TIMM50: variants seen among roughly 807,000 people sequenced by gnomAD.
TIMM50 encodes translocase of inner mitochondrial membrane 50.
A neutral mutation model predicts 49.6 loss-of-function variants in TIMM50; 34 were observed. The observed-to-expected ratio is 0.69, with a 90% CI of 0.52 to 0.91. The LOEUF (loss-of-function observed/expected upper bound fraction) is 0.91. Among genes scored for constraint, TIMM50 ranks in the 40% least tolerant of loss-of-function variants. The pLI is 0.00. For synonymous variants in TIMM50, 199 were observed against 198.4 expected, an observed-to-expected ratio of 1.00 and a Z score of -0.03; for missense variants, 458 against 477.8, an observed-to-expected ratio of 0.96 and a Z score of 0.39.
chr19:39,485,912 T>A, intron 6 of TIMM50, 105 bp downstream of exon 6: 3 of 1,489,138 alleles, frequency 2.0e-6, no homozygotes, highest in Non-Finnish European at 1.8e-6. Context: ...GGGGAGGAGA[T>A]GTCACCTGTC....
intron 9 of TIMM50, among the ~76,000 whole-genome samples, 158 bp from the exon 10 acceptor site, chr19:39,488,380 GA>G (rs1221019591): frequency 6.6e-6 from 1 of 152,214 alleles, no homozygotes; most frequent in East Asian, 1.9e-4. Flanking sequence ...ATGTTTGGGG[GA>G]TACTTGGGGA....
In TIMM50 at chr19:39,483,166, C is replaced by T. The variant is rs2079484018; in HGVS notation, c.313+10C>T. ...GATGAGTTCGACAATGGTGAGTAAA[C>T]AAGCACAGATTCTGGAGTCCCTGAC... is the stretch of plus-strand genomic sequence containing the variant. On this transcript the variant is annotated intron_variant, in intron 4 of 10. Coordinates refer to ENST00000607714, the MANE Select transcript of TIMM50 (RefSeq NM_001001563.5). 1 of 1,614,050 alleles carries T rather than the reference C, an allele frequency of 6.2e-7. No individual in the cohort carries two copies. The highest frequency in any genetic ancestry group is 1.7e-5 in the Admixed American group (1 of 59,998).
chr19:39,481,560 C>T (rs1347393260), intron 1 of TIMM50, among the ~76,000 whole-genome samples: 1 of 152,208 alleles, frequency 6.6e-6, no homozygotes, highest in African/African-American at 2.4e-5. Flanking sequence ...TCCGTTCCCT[C>T]TCATCCCAGT....
chr19:39,485,313 T>A, intron 4 of TIMM50: 1 of 585,146 alleles, frequency 1.7e-6, no homozygotes, highest in Non-Finnish European at 3.0e-6. Flanking sequence ...GTTTCATACC[T>A]GGGGTAGTAT....
At chr19:39,485,962 T>A in intron 6 of TIMM50, 155 bp downstream of exon 6, 1 of 1,246,420 alleles carries the variant, frequency 8.0e-7, no homozygotes, top group Non-Finnish European at 1.1e-6. Flanking sequence ...GCAGTCATGC[T>A]AACACCCACT....
intron 2 of TIMM50, among the ~76,000 whole-genome samples, chr19:39,482,595 G>A (rs1262022436): frequency 6.6e-6 from 1 of 151,254 alleles, no homozygotes; most frequent in Non-Finnish European, 1.5e-5. Flanking sequence ...GGGAGGCGGA[G>A]CTTGCAGTGA....
chr19:39,484,320 C>G (rs2079490948), intron 4 of TIMM50, among the ~76,000 whole-genome samples: 1 of 152,104 alleles, frequency 6.6e-6, no homozygotes, highest in Admixed American at 6.6e-5. Context: ...GGGAGGATCA[C>G]TTGAGCCTGG....
chr19:39,480,935 A>G lies in TIMM50; in HGVS notation c.82A>G (p.Thr28Ala). The G allele has an allele frequency of 1.3e-6, 2 of 1,583,910 alleles. No individual in the cohort carries two copies. The highest frequency in any genetic ancestry group is 8.5e-7 in the Non-Finnish European group (1 of 1,173,554). Residue 28 changes from threonine (T) to alanine (A), a missense_variant, in exon 1 of 11, where the codon ACG becomes GCG. Thr to Ala is a moderately conservative substitution (Grantham distance 58). Transcript: ENST00000607714. ...GCGGGGACTGTGCACGAGGTTGGCG[A>G]CGCCGCCCCGCCGGGCCCCAGATCA... ...GSRGLCTRLA[T>A]PPRRAPDQAA...
Position 39,489,927 on chromosome 19 carries a change from T to TGC in TIMM50, c.*108_*109dup, listed in dbSNP as rs2079533889. The TGC allele has an allele frequency of 9.2e-6, 10 of 1,081,304 alleles. No homozygotes were observed. 67.0% of individuals were successfully genotyped at this position (1,081,304 alleles called of 1,614,324 possible). On this transcript the variant is annotated 3_prime_UTR_variant, in exon 11 of 11. Transcript: ENST00000607714. ...TAAAGTACATCCCAGACGCCACACCTGCTGTGTCCCGAGAGTCTCCAGATG... is the reference window on the plus strand; with the variant it reads ...TAAAGTACATCCCAGACGCCACACCTGCGCTGTGTCCCGAGAGTCTCCAGATG...
chr19:39,481,978 C>T lies in TIMM50; in HGVS notation c.204C>T (p.Leu68=). ...CCAGCTATGCCAAAAAAGTTGCGCT[C>T]TGGCTTGCTGGGCTGCTTGGAGCTG... is the stretch of plus-strand genomic sequence containing the variant. ...EGPSYAKKVA[L]WLAGLLGAGG... The change falls in exon 2 of 11, where the codon CTC becomes CTT. Residue 68 remains leucine, a synonymous_variant. Coordinates refer to ENST00000607714, the MANE Select transcript of TIMM50 (RefSeq NM_001001563.5). 6.2e-7 allele frequency: 1 copy of T among 1,614,176 alleles called. No individual in the cohort carries two copies. Among genetic ancestry groups the T allele is most frequent in the Non-Finnish European group, 8.5e-7 (1 of 1,180,026 alleles).
Position 39,480,901 on chromosome 19 carries a change from G to A in TIMM50, c.48G>A (p.Arg16=), listed in dbSNP as rs1445324348. The part of the protein sequence containing the change: ...AVFSRLRSGL[R]LGSRGLCTRL... ...TCTCGCGCTTGCGAAGCGGGCTCCG[G>A]CTCGGCTCGCGGGGACTGTGCACGA... The change falls in exon 1 of 11, where the codon CGG becomes CGA. Residue 16 remains arginine (R), a synonymous_variant. Transcript: ENST00000607714. 1.9e-6 allele frequency: 3 copies of A among 1,594,264 alleles called. No homozygotes were observed. Among genetic ancestry groups the A allele is most frequent in the East Asian group, 2.3e-5 (1 of 44,270 alleles).
At chr19:39,482,518 G>A (rs910047387) in intron 2 of TIMM50, among the ~76,000 whole-genome samples, 3 of 152,068 alleles carry the variant, frequency 2.0e-5, no homozygotes, top group Non-Finnish European at 2.9e-5. Context: ...AAATTAGCCC[G>A]GTGTGGTGGC....
intron 2 of TIMM50, among the ~76,000 whole-genome samples, chr19:39,482,257 G>T (rs934782436): frequency 6.6e-6 from 1 of 152,186 alleles, no homozygotes; most frequent in Admixed American, 6.5e-5. Flanking sequence ...CCTGTACCAG[G>T]ATAAAGGAAA....
chr19:39,489,792 G>A lies in TIMM50; in HGVS notation c.1034G>A (p.Arg345His), dbSNP rs369195443. ...CTCTTCCTTGGCTCCCTCACCAGCCGCTTGTGGCCTCGCTCCAAACAGCCC... is the reference window on the plus strand; with the variant it reads ...CTCTTCCTTGGCTCCCTCACCAGCCACTTGTGGCCTCGCTCCAAACAGCCC... Reference protein sequence around the residue: ...QNLFLGSLTSRLWPRSKQP With the variant: ...QNLFLGSLTSHLWPRSKQP Residue 345 changes from arginine to histidine, a missense_variant, in exon 11 of 11, where the codon CGC (arginine) becomes CAC (histidine). By Grantham distance (29) the Arg-to-His change is conservative. Coordinates refer to ENST00000607714, the MANE Select transcript of TIMM50 (RefSeq NM_001001563.5). The A allele has an allele frequency of 2.5e-6, 4 of 1,610,420 alleles. No homozygotes were observed. The highest frequency in any genetic ancestry group is 2.2e-5 in the East Asian group (1 of 44,822).
At chr19:39,484,557 C>T (rs1479051381) in intron 4 of TIMM50, among the ~76,000 whole-genome samples, 2 of 152,172 alleles carry the variant, frequency 1.3e-5, no homozygotes, top group Admixed American at 6.5e-5. Context: ...TCCTGGGCAT[C>T]TGCCTACTAG....
intron 4 of TIMM50, 48 bp from the exon 5 acceptor site, chr19:39,485,496 T>G (rs1310092425): frequency 1.1e-5 from 17 of 1,612,980 alleles, no homozygotes; most frequent in Non-Finnish European, 5.9e-6. Flanking sequence ...TCTGGGAGGT[T>G]GAACAGCGGC....
intron 1 of TIMM50, chr19:39,481,257 A>G: frequency 2.2e-6 from 1 of 459,982 alleles, no homozygotes. Flanking sequence ...GGGGCCTGGG[A>G]CGCTGGAGTC....
rs1253035246 is a variant in TIMM50, at chr19:39,492,903, A to AT, written c.*3083_*3084insT. On this transcript the variant is annotated 3_prime_UTR_variant, in exon 11 of 11. Transcript: ENST00000607714. ...AAAAAAAAAAAAAAACAAAAAAAAA[A>AT]CCAGTTTGACTTTATCTCCCTCGCC... 6.7e-6 allele frequency: 1 copy of AT among 148,684 alleles called. No individual in the cohort carries two copies. The highest frequency in any genetic ancestry group is 1.5e-5 in the Non-Finnish European group (1 of 67,262). The allele number at this position is 148,684 out of a possible 1,614,324, so 9.2% of individuals were successfully genotyped here.
chr19:39,489,190 G>A (rs1159719063), intron 10 of TIMM50, among the ~76,000 whole-genome samples: 3 of 151,986 alleles, frequency 2.0e-5, no homozygotes, highest in Admixed American at 2.0e-4. Flanking sequence ...TGGGCCTGGG[G>A]ACCCCCCAGG....
Sources: gnomAD v4.1 joint callset for allele counts (sites outside exome capture counted in the v4.1 genomes callset) on GRCh38, gnomAD v4.1.1 for gene constraint, MANE v1.5 for transcripts, NCBI Gene and HGNC (gene_info 2026-07-23, HGNC 2026-07-21) for gene names.